The following ABCA13 variants were observed in gnomAD, a reference collection of about 807,000 sequenced individuals.
ABCA13 encodes ATP binding cassette subfamily A member 13.
Under a neutral mutation model 478.7 loss-of-function variants are expected in ABCA13, and 476 were observed. The ratio of observed to expected loss-of-function variants is 0.99; its 90% confidence interval spans 0.92 to 1.07. The LOEUF (loss-of-function observed/expected upper bound fraction) is 1.07, where lower values mean the gene tolerates loss of function less well. Among genes scored for constraint, ABCA13 ranks in the 50% least tolerant of loss-of-function variants. The probability of loss-of-function intolerance (pLI) is 0.00; values close to 1 mark genes in which losing one functional copy is unlikely to be tolerated. For synonymous variants in ABCA13, 2,252 were observed against 2,158.9 expected, an observed-to-expected ratio of 1.04 and a Z score of -1.20; for missense variants, 6,060 against 5,910.6, an observed-to-expected ratio of 1.03 and a Z score of -0.83.
At chr7:48,356,433 G>T (rs1809928624) in intron 31 of ABCA13, among the ~76,000 whole-genome samples, 1 of 150,830 alleles carries the variant, frequency 6.6e-6, no homozygotes. Flanking sequence ...GAATAGTCCA[G>T]TAAGATGGGA....
chr7:48,421,069 C>T (rs1820677913), intron 41 of ABCA13, among the ~76,000 whole-genome samples: 1 of 152,158 alleles, frequency 6.6e-6, no homozygotes, highest in South Asian at 2.1e-4. Context: ...TGCTGTGTCC[C>T]ACTGCTCCTG....
At chr7:48,238,471 T>C (rs1161888537) in intron 8 of ABCA13, among the ~76,000 whole-genome samples, 1 of 151,968 alleles carries the variant, frequency 6.6e-6, no homozygotes, top group African/African-American at 2.4e-5. Context: ...GAAGTTCTTT[T>C]TTTTTTTTTT....
At position 48,401,744 on chromosome 7, in the gene ABCA13, A is replaced by AACACACACAC. The variant is rs55694821; in HGVS notation, c.11874-1916_11874-1907dup. ...CTGCTCTTGGCTTCAAGAATTTTAAAACACACACACACACACACACACACA... is the reference window on the plus strand; with the variant it reads ...CTGCTCTTGGCTTCAAGAATTTTAAAACACACACACACACACACACACACACACACACACA... On this transcript the variant is annotated intron_variant, in intron 38 of 61. Transcript: ENST00000435803. Among the ~76,000 whole-genome samples the AACACACACAC allele has an allele frequency of 9.3e-3, 1,341 of 143,974 alleles. 13 individuals carry two copies. Among genetic ancestry groups the AACACACACAC allele is most frequent in the African/African-American group, 0.027 (1,053 of 39,010 alleles). 94.5% of individuals were successfully genotyped at this position (143,974 alleles called of 152,430 possible).
intron 30 of ABCA13, 70 bp from the exon 31 acceptor site, chr7:48,352,111 C>G (rs1809101085): frequency 3.5e-6 from 5 of 1,447,396 alleles, no homozygotes; most frequent in Non-Finnish European, 4.7e-6. Context: ...CCTGTCTCAC[C>G]CAGTGTAGGC....
At chr7:48,213,096 C>A (rs942295589) in intron 3 of ABCA13, among the ~76,000 whole-genome samples, 3 of 151,810 alleles carry the variant, frequency 2.0e-5, no homozygotes, top group South Asian at 2.1e-4. Context: ...TTATTTCTTT[C>A]TATGGTGTGA....
At chr7:48,536,354 T>G (rs922322625) in intron 55 of ABCA13, among the ~76,000 whole-genome samples, 9 of 152,142 alleles carry the variant, frequency 5.9e-5, no homozygotes, top group Non-Finnish European at 1.3e-4. Context: ...TATTTTAAAT[T>G]TATCACTTTA....
rs1358066 is a variant in ABCA13, at chr7:48,273,077, G to A, written c.3411G>A (p.Val1137=). The A allele has an allele frequency of 0.52, 833,273 of 1,613,136 alleles. 217,638 individuals are homozygous for A. The highest frequency in any genetic ancestry group is 0.77 in the East Asian group (34,477 of 44,846). The change falls in exon 17 of 62, where the codon GTG becomes GTA. Residue 1137 remains valine, a synonymous_variant. Transcript: ENST00000435803. The part of the protein sequence containing the change: ...IFSNLSANVS[V]FNKFMSIHCT... ...CAAACCTCTCAGCAAATGTCAGTGT[G>A]TTCAACAAGTTTATGTCCATTCACT...
At chr7:48,536,956 ATTAAT>A (rs1833626239) in intron 55 of ABCA13, among the ~76,000 whole-genome samples, 2 of 152,114 alleles carry the variant, frequency 1.3e-5, no homozygotes, top group East Asian at 3.9e-4. Context: ...TTAGAAACTC[ATTAAT>A]TTAATTTAAA....
chr7:48,197,304 C>T (rs1798058953), intron 2 of ABCA13, among the ~76,000 whole-genome samples: 1 of 152,146 alleles, frequency 6.6e-6, no homozygotes, highest in African/African-American at 2.4e-5. Flanking sequence ...CCTGGGGAGA[C>T]CTGGGAAAGT....
chr7:48,630,645 G>A (rs1195193153), intron 59 of ABCA13, among the ~76,000 whole-genome samples: 1 of 152,222 alleles, frequency 6.6e-6, no homozygotes, highest in East Asian at 1.9e-4. Flanking sequence ...ATGGTGAAAT[G>A]ATTTGTATTC....
chr7:48,604,445 G>T (rs1372423640), intron 58 of ABCA13, among the ~76,000 whole-genome samples: 1 of 152,056 alleles, frequency 6.6e-6, no homozygotes, highest in East Asian at 1.9e-4. Flanking sequence ...TGTTCTCACT[G>T]GTTTCAAAGA....
Position 48,489,285 on chromosome 7 carries a change from A to T in ABCA13, c.13232A>T (p.His4411Leu), listed in dbSNP as rs1413278830. Residue 4411 changes from histidine to leucine, a missense_variant, in exon 48 of 62, where the codon CAT (histidine) becomes CTT (leucine). His to Leu is a moderately conservative substitution (Grantham distance 99). Transcript: ENST00000435803. ...GFHSLPSYLNHLNNLILWQHL... is the reference protein window; with the variant it reads ...GFHSLPSYLNLLNNLILWQHL... ...CATTCCCTACCTTCCTACTTAAATC[A>T]TCTAAACAACCTTATTTTGTGGCAG... is the stretch of plus-strand genomic sequence containing the variant. The T allele has an allele frequency of 6.2e-7, 1 of 1,613,108 alleles. No individual in the cohort carries two copies. Among genetic ancestry groups the T allele is most frequent in the Non-Finnish European group, 8.5e-7 (1 of 1,179,364 alleles).
chr7:48,323,218 C>T (rs1803769313), intron 27 of ABCA13, among the ~76,000 whole-genome samples: 2 of 152,188 alleles, frequency 1.3e-5, no homozygotes, highest in Non-Finnish European at 2.9e-5. Flanking sequence ...TTGTCGCCTG[C>T]TGTAATATAA....
Position 48,372,363 on chromosome 7 carries a change from C to A in ABCA13, c.10999C>A (p.Leu3667Ile). The A allele has an allele frequency of 6.2e-7, 1 of 1,613,886 alleles. No individual in the cohort carries two copies. Among genetic ancestry groups the A allele is most frequent in the Non-Finnish European group, 8.5e-7 (1 of 1,179,862 alleles). Residue 3667 changes from leucine (L) to isoleucine (I), a missense_variant, in exon 33 of 62, where the codon CTC becomes ATC. By Grantham distance (5) the Leu-to-Ile change is conservative. This residue lies in a region of ABCA13 where 4,423 missense variants were observed against 4,309.1 expected (regional missense o/e 1.03). Transcript: ENST00000435803. Reference sequence around the variant, plus strand: ...GATGTCAGTCGTCATGCTGAGCTACCTCTTGAGTGCATTTTTCAGCCAAGC... The same window carrying A: ...GATGTCAGTCGTCATGCTGAGCTACATCTTGAGTGCATTTTTCAGCCAAGC... ...FGMSVVMLSY[L>I]LSAFFSQANT...
intron 5 of ABCA13, among the ~76,000 whole-genome samples, chr7:48,222,353 C>T (rs1459142067): frequency 6.6e-6 from 1 of 152,168 alleles, no homozygotes; most frequent in Admixed American, 6.5e-5. Flanking sequence ...GATGTTGTAG[C>T]TTACTGATAT....
chr7:48,401,723 T>C, intron 38 of ABCA13, among the ~76,000 whole-genome samples: 1 of 136,938 alleles, frequency 7.3e-6, no homozygotes, highest in Non-Finnish European at 1.6e-5. Context: ...TACCTACTGC[T>C]CTTGGCTTCA....
chr7:48,322,625 T>A (rs1803661846), intron 27 of ABCA13, among the ~76,000 whole-genome samples: 1 of 152,220 alleles, frequency 6.6e-6, no homozygotes, highest in Non-Finnish European at 1.5e-5. Flanking sequence ...GCTCCAGCTG[T>A]CTTTCTCTTG....
chr7:48,225,172 C>CCTTCCTTT (rs1788025086), intron 5 of ABCA13, among the ~76,000 whole-genome samples: 1 of 148,288 alleles, frequency 6.7e-6, no homozygotes, highest in African/African-American at 2.5e-5. Context: ...TTCCTTCCTT[C>CCTTCCTTT]CTTCCTTCCT....
Position 48,580,210 on chromosome 7 carries a change from G to T in ABCA13, c.14355-14G>T. The T allele has an allele frequency of 6.3e-7, 1 of 1,599,174 alleles. No homozygotes were observed. Among genetic ancestry groups the T allele is most frequent in the Non-Finnish European group, 8.5e-7 (1 of 1,173,900 alleles). On this transcript the variant is annotated splice_polypyrimidine_tract_variant and intron_variant, in intron 55 of 61. Transcript: ENST00000435803. Reference sequence around the variant, plus strand: ...GAAACTGCTGTTCTCAGCCTGTGCTGCTTCTCTCTGCAGAGACGCCGTGGA... The same window carrying T: ...GAAACTGCTGTTCTCAGCCTGTGCTTCTTCTCTCTGCAGAGACGCCGTGGA...
Sources: allele counts gnomAD v4.1 joint callset (sites outside exome capture counted in the v4.1 genomes callset), GRCh38; gene constraint gnomAD v4.1.1; regional missense constraint gnomAD v4.1.1; transcripts MANE v1.5; gene names NCBI Gene and HGNC (gene_info 2026-07-23, HGNC 2026-07-21).